ADARB1: variants seen among roughly 807,000 people sequenced by gnomAD.
The protein encoded by ADARB1 is double-stranded RNA-specific editase 1.
A neutral mutation model predicts 52.4 loss-of-function variants in ADARB1; 10 were observed. That is an observed-to-expected ratio of 0.19 (90% CI 0.12 to 0.32). ADARB1 has a LOEUF of 0.32. Ranked by LOEUF, ADARB1 falls within the 10% of genes least tolerant of loss-of-function variation. The pLI is 1.00. For synonymous variants in ADARB1, 349 were observed against 371.1 expected (o/e 0.94, Z 0.68); for missense variants, 643 against 922.3 (o/e 0.70, Z 3.92).
chr21:45,134,861 G>T (rs1429421703), intron 2 of ADARB1: 2 of 532,680 alleles, frequency 3.8e-6, no homozygotes, highest in South Asian at 2.8e-5. Flanking sequence ...TTGTGGTCAG[G>T]GGCACCCAGC....
chr21:45,223,777 G>C lies in ADARB1; in HGVS notation c.*1580G>C, dbSNP rs371522791. 1 of 985,326 alleles carries C rather than the reference G, an allele frequency of 1.0e-6. No individual in the cohort carries two copies. The highest frequency in any genetic ancestry group is 6.1e-5 in the Admixed American group (1 of 16,272). The allele number at this position is 985,326 out of a possible 1,614,324, so 61.0% of individuals were successfully genotyped here. On this transcript the variant is annotated 3_prime_UTR_variant, in exon 11 of 11. Coordinates refer to ENST00000348831, the MANE Select transcript of ADARB1 (RefSeq NM_001112.4). ...AACTGAAACACCGTGGCTTCGGCGG[G>C]GGGTGTGCCTCCTGATGTCAGGAGC...
intron 2 of ADARB1, chr21:45,134,940 A>G: frequency 2.4e-6 from 1 of 424,582 alleles, no homozygotes; most frequent in South Asian, 1.7e-5. Flanking sequence ...ACCTCTGCAG[A>G]TGCCCAGGTG....
chr21:45,119,761 C>T lies in ADARB1; in HGVS notation c.-219-8641C>T, dbSNP rs550288202. On this transcript the variant is annotated intron_variant, in intron 1 of 10. Coordinates refer to ENST00000348831, the MANE Select transcript of ADARB1 (RefSeq NM_001112.4). ...ATAAAGACGGAGATGACTTAGGGTACTTATAAGTTGTTGAAAAATCATGGC... is the reference window on the plus strand; with the variant it reads ...ATAAAGACGGAGATGACTTAGGGTATTTATAAGTTGTTGAAAAATCATGGC... Among the ~76,000 whole-genome samples the T allele has an allele frequency of 2.0e-3, 298 of 152,264 alleles. 1 individual carries two copies. The highest frequency in any genetic ancestry group is 4.1e-3 in the Admixed American group (63 of 15,302).
At chr21:45,096,208 AGAG>A (rs1296064249) in intron 1 of ADARB1, among the ~76,000 whole-genome samples, 1 of 152,250 alleles carries the variant, frequency 6.6e-6, no homozygotes, top group Non-Finnish European at 1.5e-5. Context: ...GCCCAAGAGG[AGAG>A]GAGGACCGGC....
At chr21:45,158,772 A>G (rs2090804344) in intron 2 of ADARB1, among the ~76,000 whole-genome samples, 1 of 152,192 alleles carries the variant, frequency 6.6e-6, no homozygotes, top group African/African-American at 2.4e-5. Context: ...ACCTGACAGT[A>G]TGCTAGAATG....
intron 2 of ADARB1, among the ~76,000 whole-genome samples, chr21:45,156,667 C>A (rs928135168): frequency 2.0e-5 from 3 of 150,866 alleles, no homozygotes; most frequent in Non-Finnish European, 4.4e-5. Context: ...ATCCATCCAC[C>A]CCCCCACGCA....
chr21:45,162,111 GAGGAGAGA>G (rs1459213630), intron 2 of ADARB1, among the ~76,000 whole-genome samples: 1 of 152,178 alleles, frequency 6.6e-6, no homozygotes, highest in African/African-American at 2.4e-5. Flanking sequence ...ATGAGGAGAG[GAGGAGAGA>G]AGGAGAGAAG....
At position 45,220,193 on chromosome 21, in the gene ADARB1, C is replaced by T. The variant is rs556442380; in HGVS notation, c.1748-643C>T. On this transcript the variant is annotated intron_variant, in intron 9 of 10. Transcript: ENST00000348831. The surrounding 1 kb of genome is among the most constrained non-coding windows in gnomAD (Gnocchi z 6.3). ...TCAGACATGTTTCAGCAAGTTAGTACAAGTTTATTTTGGTGCCAAAAAATT... is the reference window on the plus strand; with the variant it reads ...TCAGACATGTTTCAGCAAGTTAGTATAAGTTTATTTTGGTGCCAAAAAATT... Among the ~76,000 whole-genome samples the T allele has an allele frequency of 1.6e-4, 25 of 152,256 alleles. No individual in the cohort carries two copies. Among genetic ancestry groups the T allele is most frequent in the Non-Finnish European group, 3.1e-4 (21 of 68,034 alleles).
In ADARB1 at chr21:45,174,660, G is replaced by A. The variant is rs536893138; in HGVS notation, c.29-1070G>A. Among the ~76,000 whole-genome samples, 34 of 151,902 alleles carry A rather than the reference G, an allele frequency of 2.2e-4. No homozygotes were observed. In the South Asian group the frequency reaches 6.0e-3, roughly 27 times the overall value. On this transcript the variant is annotated intron_variant, in intron 3 of 10. Coordinates refer to ENST00000348831, the MANE Select transcript of ADARB1 (RefSeq NM_001112.4). ...GGAGGTTGCAGTGAGCCGAGATCGC[G>A]CCACTGCACCCCAGTCTCAAAAATA...
intron 1 of ADARB1, among the ~76,000 whole-genome samples, chr21:45,086,296 G>A (rs1423371113): frequency 6.6e-6 from 1 of 152,158 alleles, no homozygotes; most frequent in African/African-American, 2.4e-5. Context: ...GGAAAATACG[G>A]GGAGAAAATA....
At chr21:45,090,294 A>C (rs890058247) in intron 1 of ADARB1, among the ~76,000 whole-genome samples, 3 of 152,110 alleles carry the variant, frequency 2.0e-5, no homozygotes, top group Non-Finnish European at 4.4e-5. Context: ...TAAAATTGCT[A>C]TTTATTTTAA....
chr21:45,144,802 CA>C (rs2089925928), intron 2 of ADARB1: 1 of 317,396 alleles, frequency 3.2e-6, no homozygotes, highest in Non-Finnish European at 6.4e-6. Flanking sequence ...AGATTTACCA[CA>C]ATTAGGATAC....
intron 1 of ADARB1, among the ~76,000 whole-genome samples, chr21:45,097,118 A>G: frequency 6.6e-6 from 1 of 151,722 alleles, no homozygotes; most frequent in African/African-American, 2.4e-5. Flanking sequence ...TGGGAACTAG[A>G]TGTAGTTCCC....
chr21:45,168,657 G>T (rs190658616), intron 2 of ADARB1, among the ~76,000 whole-genome samples: 64 of 152,270 alleles, frequency 4.2e-4, no homozygotes, highest in African/African-American at 1.5e-3. Context: ...TGATCTGCTC[G>T]TCTGCCCCTT....
At chr21:45,113,457 G>A (rs4818760) in intron 1 of ADARB1, among the ~76,000 whole-genome samples, 21 of 147,976 alleles carry the variant, frequency 1.4e-4, no homozygotes, top group Admixed American at 6.8e-4. Flanking sequence ...ATATATATAT[G>A]TGTGTGTGTG....
intron 1 of ADARB1, among the ~76,000 whole-genome samples, chr21:45,093,561 C>CT (rs2086642267): frequency 6.6e-6 from 1 of 152,178 alleles, no homozygotes; most frequent in Admixed American, 6.5e-5. Context: ...CTAGGTCTTA[C>CT]CCTGTTTGGA....
At position 45,220,720 on chromosome 21, in the gene ADARB1, A is replaced by C; in HGVS notation, c.1748-116A>C. ...CTGCGTATATTCCTCGGCAGGCAGA[A>C]TTCCCCCACCACGCACTTCTGTGGC... On this transcript the variant is annotated intron_variant, in intron 9 of 10. Coordinates refer to ENST00000348831, the MANE Select transcript of ADARB1 (RefSeq NM_001112.4). The surrounding 1 kb of genome is among the most constrained non-coding windows in gnomAD (Gnocchi z 6.3). The C allele has an allele frequency of 7.1e-6, 8 of 1,131,108 alleles. No homozygotes were observed. The highest frequency in any genetic ancestry group is 1.0e-5 in the Non-Finnish European group (8 of 781,720). 70.1% of individuals were successfully genotyped at this position (1,131,108 alleles called of 1,614,324 possible).
intron 1 of ADARB1, among the ~76,000 whole-genome samples, chr21:45,081,430 T>A (rs1203714116): frequency 6.6e-6 from 1 of 152,224 alleles, no homozygotes; most frequent in Non-Finnish European, 1.5e-5. Flanking sequence ...TTAAGTACTT[T>A]GTTATAAAAT....
intron 2 of ADARB1, among the ~76,000 whole-genome samples, chr21:45,158,627 TC>T (rs994883282): frequency 6.6e-5 from 10 of 151,900 alleles, no homozygotes; most frequent in Non-Finnish European, 1.2e-4. Context: ...GGCTCACAGG[TC>T]CCATATGTGT....
Sources: allele counts gnomAD v4.1 joint callset (sites outside exome capture counted in the v4.1 genomes callset), GRCh38; gene constraint gnomAD v4.1.1; non-coding constraint Gnocchi (gnomAD v3.1); transcripts MANE v1.5; gene names NCBI Gene and HGNC (gene_info 2026-07-23, HGNC 2026-07-21).